SCN1A: variants seen among roughly 807,000 people sequenced by gnomAD.
SCN1A encodes sodium voltage-gated channel alpha subunit 1, also known as sodium channel protein type 1 subunit alpha.
SCN1A carries 13 observed loss-of-function variants against 193.7 expected under a neutral mutation model. That is an observed-to-expected ratio of 0.07 (90% CI 0.04 to 0.11). SCN1A has a LOEUF of 0.11. Ranked by LOEUF, SCN1A falls within the 10% of genes least tolerant of loss-of-function variation. The probability of loss-of-function intolerance (pLI) is 1.00; values close to 1 mark genes in which losing one functional copy is unlikely to be tolerated. For synonymous variants in SCN1A, 781 were observed against 843.6 expected, an observed-to-expected ratio of 0.93 and a Z score of 1.29; for missense variants, 1,432 against 2,451.1, an observed-to-expected ratio of 0.58 and a Z score of 8.78.
At chr2:166,098,658 A>C in intron 2 of SCN1A, among the ~76,000 whole-genome samples, 1 of 152,224 alleles carries the variant, frequency 6.6e-6, no homozygotes, top group Non-Finnish European at 1.5e-5. Context: ...CAACTTCAGG[A>C]AAGTTTCAGG....
chr2:166,035,387 T>C (rs2105788808), intron 19 of SCN1A, among the ~76,000 whole-genome samples: 1 of 152,312 alleles, frequency 6.6e-6, no homozygotes, highest in South Asian at 2.1e-4. Context: ...TATTACCCTT[T>C]AATTTATCAG....
chr2:166,058,415 G>A (rs1699334074), intron 5 of SCN1A, among the ~76,000 whole-genome samples, 155 bp downstream of exon 5: 1 of 151,990 alleles, frequency 6.6e-6, no homozygotes, highest in Non-Finnish European at 1.5e-5. Context: ...TGTGATTAAT[G>A]AACTTTAAGA....
intron 2 of SCN1A, among the ~76,000 whole-genome samples, chr2:166,112,299 C>G (rs1689379701): frequency 6.6e-6 from 1 of 152,112 alleles, no homozygotes; most frequent in Non-Finnish European, 1.5e-5. Flanking sequence ...GCGAGACTCT[C>G]CACCAGCAAA....
chr2:166,094,139 G>A (rs1364124111), intron 2 of SCN1A, among the ~76,000 whole-genome samples: 2 of 152,090 alleles, frequency 1.3e-5, no homozygotes, highest in African/African-American at 4.8e-5. Flanking sequence ...ATGTTATGAA[G>A]GATGGATAAA....
chr2:166,012,882 C>G lies in SCN1A; in HGVS notation c.3706-600G>C, dbSNP rs543500406. ...TTCTATTATGAACCTCTCGATGTTT[C>G]ACTTCTAAGTATGCATTCCTTTCAA... On this transcript the variant is annotated intron_variant, in intron 21 of 28. Coordinates refer to ENST00000674923, the MANE Select transcript of SCN1A (RefSeq NM_001165963.4). Among the ~76,000 whole-genome samples the G allele has an allele frequency of 9.3e-5, 14 of 151,132 alleles. No homozygotes were observed. The South Asian group carries it at 1.5e-3, about 16-fold the overall frequency.
chr2:166,096,708 A>C (rs1388340022), intron 2 of SCN1A, among the ~76,000 whole-genome samples: 1 of 152,194 alleles, frequency 6.6e-6, no homozygotes, highest in Non-Finnish European at 1.5e-5. Flanking sequence ...CTCAAAAGAA[A>C]ATTACATTGA....
At chr2:166,080,167 T>G (rs987611511) in intron 2 of SCN1A, among the ~76,000 whole-genome samples, 10 of 151,838 alleles carry the variant, frequency 6.6e-5, no homozygotes, top group African/African-American at 2.4e-4. Context: ...ATTCTAAAAA[T>G]TTATAACAGA....
At chr2:166,018,077 A>T (rs1051313549) in intron 19 of SCN1A, among the ~76,000 whole-genome samples, 1 of 152,012 alleles carries the variant, frequency 6.6e-6, no homozygotes, top group East Asian at 1.9e-4. Flanking sequence ...GAACATGTAC[A>T]TAAAAATTGT....
chr2:166,042,566 CTT>C lies in SCN1A; in HGVS notation c.2044-144_2044-143del, dbSNP rs1221749888. 1.3e-5 allele frequency: 10 copies of C among 790,618 alleles called. No individual in the cohort carries two copies. In the African/African-American group the frequency reaches 1.7e-4, roughly 13 times the overall value. 49.0% of individuals were successfully genotyped at this position (790,618 alleles called of 1,614,324 possible). ...AATTGGTGATGGCAGATATTTCTGA[CTT>C]ATTGTATCATTAGCCTGGAATGTTC... On this transcript the variant is annotated intron_variant, in intron 14 of 28. Coordinates refer to ENST00000674923, the MANE Select transcript of SCN1A (RefSeq NM_001165963.4).
At position 166,058,642 on chromosome 2, in the gene SCN1A, G is replaced by C; in HGVS notation, c.311C>G (p.Ala104Gly). 1 of 1,612,170 alleles carries C rather than the reference G, an allele frequency of 6.2e-7. No homozygotes were observed. Among genetic ancestry groups the C allele is most frequent in the African/African-American group, 1.3e-5 (1 of 74,964 alleles). The part of the protein sequence containing the change: ...NKGKAIFRFS[A>G]TSALYILTPF... ...AGTTAAAATGTACAGGGCAGAGGTGGCACTGAACCGGAAGATGGCCTTCCC... is the reference window on the plus strand; with the variant it reads ...AGTTAAAATGTACAGGGCAGAGGTGCCACTGAACCGGAAGATGGCCTTCCC... Residue 104 changes from alanine to glycine, a missense_variant, in exon 5 of 29, where the codon GCC becomes GGC. Around this residue, in one of 18 missense-constraint regions of SCN1A, gnomAD observed 123 missense variants for 282.8 expected, o/e 0.43. Coordinates refer to ENST00000674923, the MANE Select transcript of SCN1A (RefSeq NM_001165963.4).
At chr2:166,064,056 T>G (rs1170727209) in intron 4 of SCN1A, among the ~76,000 whole-genome samples, 1 of 152,120 alleles carries the variant, frequency 6.6e-6, no homozygotes, top group Non-Finnish European at 1.5e-5. Context: ...GAAAAATTGG[T>G]AATAACCCTG....
chr2:166,008,170 T>C (rs1691909720), intron 23 of SCN1A, among the ~76,000 whole-genome samples: 1 of 151,234 alleles, frequency 6.6e-6, no homozygotes, highest in African/African-American at 2.4e-5. Context: ...CATTATTGAT[T>C]AATAATTATA....
intron 26 of SCN1A, 115 bp downstream of exon 26, chr2:165,997,923 A>T: frequency 1.3e-6 from 1 of 772,752 alleles, no homozygotes; most frequent in Non-Finnish European, 2.2e-6. Context: ...AGGAAAAATC[A>T]GTTATAATAT....
chr2:166,121,125 A>G (rs1690544877), intron 2 of SCN1A, among the ~76,000 whole-genome samples: 1 of 151,494 alleles, frequency 6.6e-6, no homozygotes, highest in South Asian at 2.1e-4. Context: ...AAAGAAAAAA[A>G]AAAAAAAAGA....
intron 1 of SCN1A, among the ~76,000 whole-genome samples, chr2:166,145,054 T>C (rs1473227953): frequency 6.6e-6 from 1 of 151,966 alleles, no homozygotes; most frequent in African/African-American, 2.4e-5. Context: ...GTCAGGCTGG[T>C]CTCAAACTCC....
intron 2 of SCN1A, among the ~76,000 whole-genome samples, chr2:166,093,241 A>ATGTAGGCT (rs1687015101): frequency 6.6e-6 from 1 of 152,060 alleles, no homozygotes; most frequent in Non-Finnish European, 1.5e-5. Flanking sequence ...TTCAGAAAGA[A>ATGTAGGCT]TGTAGGCTGT....
chr2:166,020,605 A>G (rs571252831), intron 19 of SCN1A, among the ~76,000 whole-genome samples: 1 of 152,352 alleles, frequency 6.6e-6, no homozygotes, highest in East Asian at 1.9e-4. Flanking sequence ...AATTTGAAAA[A>G]TGCATTTAAA....
chr2:166,096,351 C>T (rs946114087), intron 2 of SCN1A, among the ~76,000 whole-genome samples: 1 of 151,946 alleles, frequency 6.6e-6, no homozygotes, highest in Admixed American at 6.6e-5. Context: ...GGTGTGAATT[C>T]GGCTCACTGC....
intron 1 of SCN1A, among the ~76,000 whole-genome samples, chr2:166,137,820 C>T (rs1450964978): frequency 3.3e-5 from 5 of 152,106 alleles, no homozygotes; most frequent in Non-Finnish European, 5.9e-5. Context: ...ATTTGGAGGG[C>T]TCAGAAGAAG....
Sources: allele counts gnomAD v4.1 joint callset (sites outside exome capture counted in the v4.1 genomes callset), GRCh38; gene constraint gnomAD v4.1.1; regional missense constraint gnomAD v4.1.1; transcripts MANE v1.5; gene names NCBI Gene and HGNC (gene_info 2026-07-23, HGNC 2026-07-21).